The following ARHGEF10 variants were observed in gnomAD, a reference collection of about 807,000 sequenced individuals.
ARHGEF10 encodes Rho guanine nucleotide exchange factor 10.
A neutral mutation model predicts 147.4 loss-of-function variants in ARHGEF10; 140 were observed. The ratio of observed to expected loss-of-function variants is 0.95; its 90% CI spans 0.83 to 1.09. The LOEUF is 1.09. ARHGEF10 is among the 50% of genes least tolerant of loss of function. The pLI is 0.00. For synonymous variants in ARHGEF10, 902 were observed against 695.8 expected (o/e 1.30, Z -4.67); for missense variants, 2,222 against 1,752.7 (o/e 1.27, Z -4.78).
rs566404844 is a variant in ARHGEF10 at position 1,950,519 on chromosome 8, ATTATTTAT to A, written c.3398-2163_3398-2156del. ...GTTTCTACCTGCTTTTACCCTTTTT[ATTATTTAT>A]TTATTTATTTATTTATTTATTTGAA... On this transcript the variant is annotated intron_variant, in intron 27 of 28. Coordinates refer to ENST00000349830, the MANE Select transcript of ARHGEF10 (RefSeq NM_014629.4). 5.2e-3 allele frequency among the ~76,000 whole-genome samples: 787 copies of A among 151,364 alleles called. 4 individuals are homozygous for A. Among genetic ancestry groups the A allele is most frequent in the African/African-American group, 0.018 (722 of 41,146 alleles).
intron 16 of ARHGEF10, chr8:1,904,373 A>T (rs1205366329): frequency 1.3e-5 from 2 of 152,202 alleles, no homozygotes; most frequent in Non-Finnish European, 2.9e-5. Flanking sequence ...AAAAATCATT[A>T]TTGCTACAAA....
At chr8:1,841,234 G>A (rs138445742) in intron 1 of ARHGEF10, among the ~76,000 whole-genome samples, 1 of 149,360 alleles carries the variant, frequency 6.7e-6, no homozygotes, top group East Asian at 2.0e-4. Flanking sequence ...TTGCGCTGGC[G>A]AGGTGGACCT....
chr8:1,864,432 A>C lies in ARHGEF10; in HGVS notation c.541A>C (p.Thr181Pro), dbSNP rs746857277. 5.0e-6 allele frequency: 8 copies of C among 1,613,750 alleles called. No homozygotes were observed. The East Asian group carries it at 1.1e-4, about 22-fold the overall frequency. ...PNSLSSEEPP[T>P]SEDQVGREDS... ...TTCTCTGAGTTCCGAGGAGCCTCCA[A>C]CCAGGTATCTGCATCCGTCTTCCCA... is the stretch of plus-strand genomic sequence containing the variant. The change falls in exon 5 of 29, where the codon ACC (threonine) becomes CCC (proline). Residue 181 changes from threonine (T) to proline (P), a missense_variant. By Grantham distance (38) the Thr-to-Pro change is conservative (BLOSUM62 -1). Transcript: ENST00000349830.
upstream of ARHGEF10, among the ~76,000 whole-genome samples, chr8:1,823,809 C>A (rs2129024069): frequency 6.6e-6 from 1 of 151,784 alleles, no homozygotes; most frequent in East Asian, 2.0e-4. Flanking sequence ...AAGGAATGCG[C>A]GGGCGCGAGG....
chr8:1,874,402 C>T (rs748547663), intron 7 of ARHGEF10, among the ~76,000 whole-genome samples: 2 of 152,122 alleles, frequency 1.3e-5, no homozygotes, highest in Non-Finnish European at 2.9e-5. Context: ...AACTGCTGTG[C>T]GGAATACAGA....
chr8:1,856,777 G>A (rs567308851), intron 2 of ARHGEF10, among the ~76,000 whole-genome samples: 1 of 152,324 alleles, frequency 6.6e-6, no homozygotes, highest in South Asian at 2.1e-4. Context: ...CTGTCCCGAG[G>A]TGCCACCTGC....
At chr8:1,936,720 G>A (rs1287527638) in intron 26 of ARHGEF10, among the ~76,000 whole-genome samples, 1 of 152,192 alleles carries the variant, frequency 6.6e-6, no homozygotes, top group Admixed American at 6.5e-5. Context: ...CCCAGGTTAG[G>A]AACTTTAAGA....
chr8:1,927,428 A>C (rs1478221880), intron 23 of ARHGEF10: 1 of 152,232 alleles, frequency 6.6e-6, no homozygotes, highest in Non-Finnish European at 1.5e-5. Flanking sequence ...GGTGGAAAAG[A>C]AAAAGAATCA....
chr8:1,842,565 G>A (rs1468533982), intron 1 of ARHGEF10, among the ~76,000 whole-genome samples: 1 of 152,228 alleles, frequency 6.6e-6, no homozygotes, highest in Non-Finnish European at 1.5e-5. Flanking sequence ...TTCCTGATGC[G>A]GCGAGGGCCT....
intron 8 of ARHGEF10, among the ~76,000 whole-genome samples, chr8:1,878,925 C>A (rs1379633527): frequency 6.6e-6 from 1 of 152,170 alleles, no homozygotes; most frequent in Non-Finnish European, 1.5e-5. Flanking sequence ...TCCTACACGT[C>A]CATGTTGCCA....
intron 11 of ARHGEF10, among the ~76,000 whole-genome samples, chr8:1,890,822 C>G (rs905158153): frequency 3.3e-5 from 5 of 152,014 alleles, no homozygotes; most frequent in African/African-American, 1.2e-4. Flanking sequence ...TTGTATGGCA[C>G]TTTTCCAAGG....
At chr8:1,893,343 C>A (rs890913285) in intron 11 of ARHGEF10, among the ~76,000 whole-genome samples, 1 of 151,076 alleles carries the variant, frequency 6.6e-6, no homozygotes, top group African/African-American at 2.4e-5. Context: ...TTTTTTTGTC[C>A]CAGCTGTAGT....
intron 15 of ARHGEF10, among the ~76,000 whole-genome samples, chr8:1,899,535 C>CT (rs1563255248): frequency 6.6e-6 from 1 of 152,106 alleles, no homozygotes; most frequent in Admixed American, 6.5e-5. Context: ...ATGGCACATT[C>CT]TTTTTAAATA....
chr8:1,849,987 CACAGAG>C (rs199645618), intron 2 of ARHGEF10, among the ~76,000 whole-genome samples: 2 of 109,080 alleles, frequency 1.8e-5, no homozygotes, highest in Admixed American at 8.5e-5. Context: ...GCTGCATGGA[CACAGAG>C]GGCAAATGCT....
At chr8:1,894,794 A>C (rs1221308662) in intron 13 of ARHGEF10, among the ~76,000 whole-genome samples, 2 of 152,230 alleles carry the variant, frequency 1.3e-5, no homozygotes, top group African/African-American at 4.8e-5. Context: ...AAAGGCAGAC[A>C]CTGGACAGAA....
At chr8:1,952,163 G>C (rs1185121595) in intron 27 of ARHGEF10, among the ~76,000 whole-genome samples, 2 of 152,216 alleles carry the variant, frequency 1.3e-5, no homozygotes, top group East Asian at 3.9e-4. Context: ...CAGCGCTGAG[G>C]CTGTGTGACG....
intron 16 of ARHGEF10, 22 bp downstream of exon 16, chr8:1,903,473 C>G (rs1810643364): frequency 1.2e-6 from 2 of 1,613,270 alleles, no homozygotes; most frequent in African/African-American, 2.7e-5. Context: ...TTTTCTTCAA[C>G]TCTATTCCAA....
chr8:1,868,788 G>A (rs572037448), intron 6 of ARHGEF10, among the ~76,000 whole-genome samples: 3 of 152,144 alleles, frequency 2.0e-5, no homozygotes, highest in African/African-American at 4.8e-5. Flanking sequence ...TTTTTTGTGC[G>A]TCAGAACGTC....
intron 16 of ARHGEF10, 130 bp from the exon 17 acceptor site, chr8:1,905,441 A>G (rs1585480132): frequency 1.7e-6 from 2 of 1,157,894 alleles, no homozygotes; most frequent in African/African-American, 1.5e-5. Flanking sequence ...CACGGGGAAC[A>G]TAGGAACGAT....
Sources: allele counts gnomAD v4.1 joint callset (sites outside exome capture counted in the v4.1 genomes callset), GRCh38; gene constraint gnomAD v4.1.1; transcripts MANE v1.5; gene names NCBI Gene and HGNC (gene_info 2026-07-23, HGNC 2026-07-21).